The following MAP4K4 variants were observed in gnomAD, a reference collection of about 807,000 sequenced individuals.
The protein encoded by MAP4K4 is mitogen-activated protein kinase kinase kinase kinase 4, also known as HPK/GCK-like kinase HGK.
Under a neutral mutation model 189.6 loss-of-function variants are expected in MAP4K4, and 38 were observed. The ratio of observed to expected loss-of-function variants is 0.20; its 90% CI spans 0.15 to 0.26. The LOEUF is 0.26. MAP4K4 is among the 10% of genes least tolerant of loss of function. The pLI, the probability that MAP4K4 is intolerant of heterozygous loss-of-function variation, is 1.00. For synonymous variants in MAP4K4, 610 were observed against 624.3 expected, an observed-to-expected ratio of 0.98 and a Z score of 0.34; for missense variants, 1,054 against 1,726.9, an observed-to-expected ratio of 0.61 and a Z score of 6.91.
At chr2:101,791,640 C>A (rs1305681807) in intron 3 of MAP4K4, among the ~76,000 whole-genome samples, 1 of 152,146 alleles carries the variant, frequency 6.6e-6, no homozygotes, top group Non-Finnish European at 1.5e-5. Flanking sequence ...TTCCCCAAGT[C>A]TGGGGTCTGT....
intron 2 of MAP4K4, among the ~76,000 whole-genome samples, chr2:101,760,526 A>G (rs201072385): frequency 5.6e-5 from 6 of 106,244 alleles, no homozygotes; most frequent in East Asian, 3.0e-4. Context: ...ATATATATGT[A>G]TATATGTGTG....
intron 3 of MAP4K4, among the ~76,000 whole-genome samples, chr2:101,822,725 G>A (rs1368350214): frequency 2.0e-5 from 3 of 152,098 alleles, no homozygotes; most frequent in Non-Finnish European, 2.9e-5. Context: ...GTACACACAC[G>A]TCTAGGCTAC....
chr2:101,826,407 A>C (rs1301391982), intron 5 of MAP4K4, among the ~76,000 whole-genome samples: 2 of 152,142 alleles, frequency 1.3e-5, no homozygotes, highest in Non-Finnish European at 2.9e-5. Flanking sequence ...AATTCCCCTA[A>C]GAAGACTAGT....
At chr2:101,859,696 G>T (rs762823145) in exon 15 of MAP4K4, 2 of 1,612,424 alleles carry the variant, frequency 1.2e-6, no homozygotes, top group South Asian at 2.2e-5. Context: ...GGCTCCAGAG[G>T]CAGTTGCAAC....
At chr2:101,775,748 C>T (rs1314842170) in intron 2 of MAP4K4, among the ~76,000 whole-genome samples, 1 of 152,166 alleles carries the variant, frequency 6.6e-6, no homozygotes, top group African/African-American at 2.4e-5. Flanking sequence ...CTGGTTCACA[C>T]CTGGTTTCCT....
intron 5 of MAP4K4, among the ~76,000 whole-genome samples, chr2:101,828,616 T>C (rs2096467818): frequency 6.6e-6 from 1 of 152,196 alleles, no homozygotes; most frequent in African/African-American, 2.4e-5. Context: ...AAAGTAATGA[T>C]AACAATAAAA....
exon 33 of MAP4K4, chr2:101,893,209 C>T (rs771473517): frequency 1.3e-5 from 6 of 456,318 alleles, no homozygotes; most frequent in Non-Finnish European, 1.8e-5. Flanking sequence ...CAAGTACATC[C>T]ACTCATGAAT....
intron 2 of MAP4K4, among the ~76,000 whole-genome samples, chr2:101,720,684 G>A (rs1003132069): frequency 6.6e-6 from 1 of 152,066 alleles, no homozygotes; most frequent in African/African-American, 2.4e-5. Flanking sequence ...CTTTATGAGC[G>A]GGCACTGATC....
chr2:101,797,412 A>G lies in MAP4K4; in HGVS notation c.180+6636A>G, dbSNP rs73943783. ...AGCCAGAAATGTATCAGTTTTTGACAGTCTGTATCCCCCTCCTGCACCGCC... is the reference window on the plus strand; with the variant it reads ...AGCCAGAAATGTATCAGTTTTTGACGGTCTGTATCCCCCTCCTGCACCGCC... On this transcript the variant is annotated intron_variant, in intron 3 of 32. Coordinates refer to ENST00000324219, the Ensembl canonical transcript of MAP4K4. 5,206 of 1,289,810 alleles carry G rather than the reference A, an allele frequency of 4.0e-3. 190 individuals carry two copies. The African/African-American group carries it at 0.071, about 18-fold the overall frequency. The allele number at this position is 1,289,810 out of a possible 1,614,324, so 79.9% of individuals were successfully genotyped here.
intron 2 of MAP4K4, among the ~76,000 whole-genome samples, chr2:101,739,922 T>A (rs143959642): frequency 8.0e-4 from 122 of 152,298 alleles, no homozygotes; most frequent in African/African-American, 2.8e-3. Flanking sequence ...TCATCTCACC[T>A]TATGTCTGAG....
At chr2:101,820,065 G>C (rs2095951757) in intron 3 of MAP4K4, among the ~76,000 whole-genome samples, 1 of 152,192 alleles carries the variant, frequency 6.6e-6, no homozygotes, top group African/African-American at 2.4e-5. Context: ...AAAATATCGA[G>C]TGCTCTTGAC....
chr2:101,763,632 T>A (rs2077372052), intron 2 of MAP4K4, among the ~76,000 whole-genome samples: 1 of 152,154 alleles, frequency 6.6e-6, no homozygotes, highest in Admixed American at 6.5e-5. Flanking sequence ...TCCAGAAGGT[T>A]TTAAATATGC....
intron 3 of MAP4K4, among the ~76,000 whole-genome samples, chr2:101,810,578 C>A (rs1019749368): frequency 6.6e-6 from 1 of 151,902 alleles, no homozygotes; most frequent in African/African-American, 2.4e-5. Flanking sequence ...TTATGATTTT[C>A]CCCCCCAAGT....
At chr2:101,871,678 C>G (rs760504705) in exon 24 of MAP4K4, 10 of 1,536,470 alleles carry the variant, frequency 6.5e-6, no homozygotes, top group Non-Finnish European at 8.7e-6. Context: ...AAGCTCACTG[C>G]TAATGAGGTA....
intron 24 of MAP4K4, among the ~76,000 whole-genome samples, chr2:101,872,273 A>G (rs2098059880): frequency 6.6e-6 from 1 of 152,154 alleles, no homozygotes; most frequent in South Asian, 2.1e-4. Flanking sequence ...AGAGGTTTAG[A>G]AGCCAAATTA....
intron 12 of MAP4K4, among the ~76,000 whole-genome samples, chr2:101,844,984 A>G (rs2097050917): frequency 6.6e-6 from 1 of 152,144 alleles, no homozygotes; most frequent in Non-Finnish European, 1.5e-5. Context: ...AAACACGGGA[A>G]GAGTGCCGCG....
chr2:101,880,072 C>T (rs1224747444), intron 27 of MAP4K4, among the ~76,000 whole-genome samples: 1 of 151,966 alleles, frequency 6.6e-6, no homozygotes. Flanking sequence ...AAGAGTTCTT[C>T]GTGTATTTTG....
rs147280403 is a variant in MAP4K4 at position 101,877,939 on chromosome 2, C to T, written c.3385+793C>T. Among the ~76,000 whole-genome samples, 90 of 152,154 alleles carry T rather than the reference C, an allele frequency of 5.9e-4. No individual in the cohort carries two copies. In the East Asian group the frequency reaches 0.015, roughly 26 times the overall value. ...TGATTTTTTGTATTTTTAGTAGAGA[C>T]AGGGTTTCACCATGTTAGCCAGGAT... On this transcript the variant is annotated intron_variant, in intron 27 of 32. Coordinates refer to ENST00000324219, the Ensembl canonical transcript of MAP4K4.
At chr2:101,859,044 C>T (rs749626652) in exon 14 of MAP4K4, 4 of 1,612,548 alleles carry the variant, frequency 2.5e-6, no homozygotes, top group Non-Finnish European at 3.4e-6. Flanking sequence ...CTTGGAAGTC[C>T]TTCAGCAGCA....
Sources: allele counts gnomAD v4.1 joint callset (sites outside exome capture counted in the v4.1 genomes callset), GRCh38; gene constraint gnomAD v4.1.1; transcripts MANE v1.5; gene names NCBI Gene and HGNC (gene_info 2026-07-23, HGNC 2026-07-21).